Variants in PPP2R2B observed in about 807,000 individuals in gnomAD.
PPP2R2B encodes serine/threonine-protein phosphatase 2A 55 kDa regulatory subunit B beta isoform.
PPP2R2B carries 5 observed loss-of-function variants against 46.0 expected under a neutral mutation model. The observed-to-expected ratio is 0.11, with a 90% CI of 0.06 to 0.23. The LOEUF is 0.23. Among genes scored for constraint, PPP2R2B ranks in the 10% least tolerant of loss-of-function variants. The pLI is 1.00. For missense variants in PPP2R2B, 367 were observed against 575.0 expected, an observed-to-expected ratio of 0.64 and a Z score of 3.70; for synonymous variants, 215 against 206.7, an observed-to-expected ratio of 1.04 and a Z score of -0.34.
chr5:146,775,366 C>T (rs998903875), intron 2 of PPP2R2B, among the ~76,000 whole-genome samples: 2 of 152,078 alleles, frequency 1.3e-5, no homozygotes, highest in African/African-American at 4.8e-5. Context: ...TAATATACCA[C>T]ATTAATAGAA....
chr5:146,741,035 C>CA (rs34289574), intron 2 of PPP2R2B, among the ~76,000 whole-genome samples: 85,548 of 142,436 alleles, frequency 0.6, 27,060 homozygotes, highest in Non-Finnish European at 0.71. Flanking sequence ...GACTCCGTCT[C>CA]AAAAAAAAAA....
intron 2 of PPP2R2B, among the ~76,000 whole-genome samples, chr5:146,779,574 A>G (rs1225850683): frequency 6.6e-6 from 1 of 152,158 alleles, no homozygotes; most frequent in East Asian, 1.9e-4. Flanking sequence ...CATGCTGGGG[A>G]GAAGATAAAA....
chr5:146,676,255 G>T (rs1777703892), intron 5 of PPP2R2B, among the ~76,000 whole-genome samples: 2 of 152,116 alleles, frequency 1.3e-5, no homozygotes, highest in East Asian at 3.9e-4. Context: ...AAGTAGGGCT[G>T]TTCCAAAAAA....
chr5:146,928,862 G>A (rs1025293657), intron 1 of PPP2R2B, among the ~76,000 whole-genome samples: 1 of 152,086 alleles, frequency 6.6e-6, no homozygotes, highest in African/African-American at 2.4e-5. Flanking sequence ...AGTCTGTCTT[G>A]CCACCTTCTT....
At chr5:146,801,730 A>G (rs1756879614) in intron 2 of PPP2R2B, among the ~76,000 whole-genome samples, 1 of 152,222 alleles carries the variant, frequency 6.6e-6, no homozygotes, top group South Asian at 2.1e-4. Flanking sequence ...TAAGGGTGCT[A>G]TGAGAGTGAA....
At chr5:146,648,905 G>T (rs1775755958) in intron 6 of PPP2R2B, among the ~76,000 whole-genome samples, 1 of 152,186 alleles carries the variant, frequency 6.6e-6, no homozygotes, top group Non-Finnish European at 1.5e-5. Flanking sequence ...ATGGAGACAG[G>T]TTCCAGATCA....
At chr5:146,724,331 G>A (rs578211378) in intron 2 of PPP2R2B, among the ~76,000 whole-genome samples, 4 of 150,686 alleles carry the variant, frequency 2.7e-5, no homozygotes, top group Non-Finnish European at 5.9e-5. Flanking sequence ...TTTTTTGAGG[G>A]TTACATGAGA....
intron 6 of PPP2R2B, among the ~76,000 whole-genome samples, chr5:146,641,368 G>A (rs751660040): frequency 6.6e-6 from 1 of 152,064 alleles, no homozygotes; most frequent in East Asian, 1.9e-4. Context: ...TGACAATTTT[G>A]GTTCCTTTGA....
intron 1 of PPP2R2B, among the ~76,000 whole-genome samples, chr5:146,985,312 C>A (rs750595000): frequency 6.6e-6 from 1 of 152,136 alleles, no homozygotes; most frequent in African/African-American, 2.4e-5. Flanking sequence ...AGCCACTGCA[C>A]CTGGCCTTAG....
chr5:146,723,654 T>G (rs892858548), intron 2 of PPP2R2B, among the ~76,000 whole-genome samples: 3 of 152,168 alleles, frequency 2.0e-5, no homozygotes, highest in Non-Finnish European at 2.9e-5. Flanking sequence ...TGCCCCAGTT[T>G]TCATTGTTCT....
intron 2 of PPP2R2B, among the ~76,000 whole-genome samples, chr5:147,077,301 CA>C (rs1561616375): frequency 8.8e-5 from 13 of 147,438 alleles, no homozygotes; most frequent in East Asian, 6.0e-4. Flanking sequence ...CACACACACA[CA>C]CACACACACC....
chr5:146,801,645 C>T (rs1438940107), intron 2 of PPP2R2B, among the ~76,000 whole-genome samples: 2 of 152,078 alleles, frequency 1.3e-5, no homozygotes, highest in East Asian at 3.9e-4. Flanking sequence ...GCTGTAGGAC[C>T]TTAGGCACTT....
At chr5:146,973,539 G>A (rs572180014) in intron 1 of PPP2R2B, among the ~76,000 whole-genome samples, 18 of 152,156 alleles carry the variant, frequency 1.2e-4, no homozygotes, top group Non-Finnish European at 2.4e-4. Flanking sequence ...TGGGTTAGTG[G>A]CATTACTTTA....
intron 1 of PPP2R2B, among the ~76,000 whole-genome samples, chr5:147,045,500 C>T (rs897924916): frequency 6.6e-6 from 1 of 151,994 alleles, no homozygotes; most frequent in Non-Finnish European, 1.5e-5. Flanking sequence ...CTGTGTTTCC[C>T]CAGTGATGAA....
intron 2 of PPP2R2B, among the ~76,000 whole-genome samples, chr5:146,807,403 A>G (rs750395526): frequency 6.6e-6 from 1 of 152,162 alleles, no homozygotes; most frequent in East Asian, 1.9e-4. Context: ...GTTCTTCCCT[A>G]TCTTTTTCTC....
At chr5:146,991,443 C>A (rs1472855949) in intron 1 of PPP2R2B, among the ~76,000 whole-genome samples, 1 of 152,004 alleles carries the variant, frequency 6.6e-6, no homozygotes, top group Non-Finnish European at 1.5e-5. Context: ...AGAGGAGAAC[C>A]AGGAATGGTT....
intron 2 of PPP2R2B, among the ~76,000 whole-genome samples, chr5:146,719,804 A>AGACGGAGTCTCGC (rs1780694628): frequency 7.9e-6 from 1 of 127,032 alleles, no homozygotes; most frequent in African/African-American, 3.6e-5. Flanking sequence ...ATGAGTTTCT[A>AGACGGAGTCTCGC]TCATCTAAAA....
At chr5:146,835,843 A>T (rs1759247504) in intron 2 of PPP2R2B, among the ~76,000 whole-genome samples, 2 of 152,294 alleles carry the variant, frequency 1.3e-5, no homozygotes, top group South Asian at 4.1e-4. Context: ...TTGTAAAGAA[A>T]ACAGATGCTA....
intron 1 of PPP2R2B, among the ~76,000 whole-genome samples, chr5:146,974,247 C>T (rs1752790826): frequency 6.6e-6 from 1 of 152,144 alleles, no homozygotes; most frequent in Admixed American, 6.5e-5. Context: ...TACTAATGAA[C>T]TAATAGTACT....
Sources: allele counts gnomAD v4.1 joint callset (sites outside exome capture counted in the v4.1 genomes callset), GRCh38; gene constraint gnomAD v4.1.1; transcripts MANE v1.5; gene names NCBI Gene and HGNC (gene_info 2026-07-23, HGNC 2026-07-21).